NOXA1: variants seen among roughly 807,000 people sequenced by gnomAD.
NOXA1 encodes the protein NADPH oxidase activator 1, also known as NCF2-like protein.
In NOXA1, 56 loss-of-function variants were observed where a neutral mutation model predicts 64.8. The ratio of observed to expected loss-of-function variants is 0.86; its 90% CI spans 0.70 to 1.08. NOXA1 has a LOEUF of 1.08. Among genes scored for constraint, NOXA1 ranks in the 50% least tolerant of loss-of-function variants. The probability of loss-of-function intolerance (pLI) is 0.00; values close to 1 mark genes in which losing one functional copy is unlikely to be tolerated. For synonymous variants in NOXA1, 295 were observed against 294.8 expected (o/e 1.00, Z -0.01); for missense variants, 668 against 658.5 (o/e 1.01, Z -0.16).
Position 137,433,812 on chromosome 9 carries a change from G to A in NOXA1, c.1127G>A (p.Arg376Lys). 6.9e-7 allele frequency: 1 copy of A among 1,452,816 alleles called. No individual in the cohort carries two copies. Among genetic ancestry groups the A allele is most frequent in the South Asian group, 1.5e-5 (1 of 68,358 alleles). 90.0% of individuals were successfully genotyped at this position (1,452,816 alleles called of 1,614,324 possible). ...VPIPEEESLQ[R>K]AWQDAAACPR... ...ATCCCCGAGGAGGAGTCGCTGCAGA[G>A]GGCCTGGCAGGACGCAGCTGCCTGC... Residue 376 changes from arginine to lysine, a missense_variant, in exon 12 of 14, where the codon AGG (arginine) becomes AAG (lysine). Arg to Lys is a conservative substitution (Grantham distance 26, BLOSUM62 2). Coordinates refer to ENST00000683555, the MANE Select transcript of NOXA1 (RefSeq NM_001256067.2).
rs117554356 is a variant in NOXA1, at chr9:137,423,527, G to T, written c.-3G>T. The T allele has an allele frequency of 0.14, 189,321 of 1,385,210 alleles. 15,163 individuals carry two copies. The highest frequency in any genetic ancestry group is 0.37 in the Admixed American group (13,934 of 37,356). 85.8% of individuals were successfully genotyped at this position (1,385,210 alleles called of 1,614,324 possible). A position where few individuals can be genotyped will look rare whatever the true frequency, so the allele number is the denominator to read the frequency against. On this transcript the variant is annotated 5_prime_UTR_variant, in exon 1 of 14. Coordinates refer to ENST00000683555, the MANE Select transcript of NOXA1 (RefSeq NM_001256067.2). ...CCCTCCTCGAGCGCCGCCACCGGCC[G>T]CCATGGCCTCTCTGGGGGACCTGGT...
intron 5 of NOXA1, 78 bp from the exon 6 acceptor site, chr9:137,430,706 C>A: frequency 2.3e-6 from 3 of 1,306,358 alleles, no homozygotes; most frequent in South Asian, 1.5e-5. Flanking sequence ...AGCTGCGGGG[C>A]ACGGTGGGGC....
intron 2 of NOXA1, 142 bp from the exon 3 acceptor site, chr9:137,427,891 A>C (rs147728806): frequency 2.0e-5 from 12 of 612,228 alleles, no homozygotes; most frequent in Admixed American, 1.6e-4. Context: ...CTGAGTGTGC[A>C]GACCTAGGCA....
chr9:137,434,329 T>G lies in NOXA1; in HGVS notation c.1400T>G (p.Leu467Arg). The G allele has an allele frequency of 6.2e-7, 1 of 1,606,118 alleles. No individual in the cohort carries two copies. Among genetic ancestry groups the G allele is most frequent in the Non-Finnish European group, 8.5e-7 (1 of 1,177,442 alleles). ...CGGATGTCAGGAGCCCCCGGCCGCC[T>G]GCCCCGATCCCAGCAGGGAGATCAG... The part of the protein sequence containing the change: ...GPRMSGAPGR[L>R]PRSQQGDQP The change falls in exon 14 of 14, where the codon CTG (leucine) becomes CGG (arginine). Residue 467 changes from leucine to arginine, a missense_variant. By Grantham distance (102) the Leu-to-Arg change is moderately radical (BLOSUM62 -2). Transcript: ENST00000683555.
Position 137,433,772 on chromosome 9 carries a change from G to A in NOXA1, c.1087G>A (p.Gly363Arg), listed in dbSNP as rs1341691645. The change falls in exon 12 of 14, where the codon GGG becomes AGG. Residue 363 changes from glycine (G) to arginine (R), a missense_variant. Transcript: ENST00000683555. ...CAGTTACCTAGCCCCAGGTGAGGAC[G>A]GGCACTGGGTCCCCATCCCCGAGGA... ...QLSYLAPGED[G>R]HWVPIPEEES... 27 of 1,456,428 alleles carry A rather than the reference G, an allele frequency of 1.9e-5. No individual in the cohort carries two copies. Among genetic ancestry groups the A allele is most frequent in the Middle Eastern group, 1.8e-4 (1 of 5,452 alleles). 90.2% of individuals were successfully genotyped at this position (1,456,428 alleles called of 1,614,324 possible).
At chr9:137,430,411 T>C (rs900570962) in intron 5 of NOXA1, among the ~76,000 whole-genome samples, 1 of 152,160 alleles carries the variant, frequency 6.6e-6, no homozygotes, top group Non-Finnish European at 1.5e-5. Flanking sequence ...GCCCCCTCGG[T>C]CACCTGCGCT....
At position 137,428,899 on chromosome 9, in the gene NOXA1, G is replaced by A. The variant is rs201021075; in HGVS notation, c.387G>A (p.Ala129=). The part of the protein sequence containing the change: ...LQAWEVLHNV[A]SAQCQLGLWT... ...ACTCCCAGGTGCTACACAATGTGGC[G>A]TCGGCACAGTGCCAGCTGGGGCTCT... is the stretch of plus-strand genomic sequence containing the variant. The change falls in exon 4 of 14, where the codon GCG becomes GCA. Residue 129 remains alanine (A), a synonymous_variant. Coordinates refer to ENST00000683555, the MANE Select transcript of NOXA1 (RefSeq NM_001256067.2). 5.0e-5 allele frequency: 80 copies of A among 1,588,616 alleles called. No homozygotes were observed. The East Asian group carries it at 1.1e-3, about 21-fold the overall frequency.
intron 1 of NOXA1, among the ~76,000 whole-genome samples, 192 bp from the exon 2 acceptor site, chr9:137,426,056 T>A (rs1284566948): frequency 6.6e-6 from 1 of 152,156 alleles, no homozygotes; most frequent in Admixed American, 6.5e-5. Context: ...TTGGGTGGGC[T>A]GTGGCAACCT....
At chr9:137,425,479 G>A (rs1356870791) in intron 1 of NOXA1, among the ~76,000 whole-genome samples, 3 of 152,004 alleles carry the variant, frequency 2.0e-5, no homozygotes, top group Admixed American at 6.5e-5. Context: ...TCTACCTCCC[G>A]GGTTCAAGCG....
intron 1 of NOXA1, among the ~76,000 whole-genome samples, chr9:137,425,919 C>T (rs1441590825): frequency 6.6e-6 from 1 of 152,096 alleles, no homozygotes; most frequent in African/African-American, 2.4e-5. Context: ...TGCATAACCC[C>T]ACTCCCCAGA....
At position 137,434,031 on chromosome 9, in the gene NOXA1, G is replaced by A; in HGVS notation, c.1246G>A (p.Glu416Lys). ...AQHSYSAQGP[E>K]DLGFRQGDTV... ...GCACAGCTACTCCGCCCAGGGGCCAGAGGACCTGGGCTTCCGACAGGGGGA... is the reference window on the plus strand; with the variant it reads ...GCACAGCTACTCCGCCCAGGGGCCAAAGGACCTGGGCTTCCGACAGGGGGA... The change falls in exon 13 of 14, where the codon GAG (glutamate) becomes AAG (lysine). Residue 416 changes from glutamate to lysine, a missense_variant. Physicochemically the swap from Glu to Lys is moderately conservative, Grantham distance 56. Coordinates refer to ENST00000683555, the MANE Select transcript of NOXA1 (RefSeq NM_001256067.2). 1 of 1,574,246 alleles carries A rather than the reference G, an allele frequency of 6.4e-7. No homozygotes were observed. The highest frequency in any genetic ancestry group is 8.6e-7 in the Non-Finnish European group (1 of 1,164,868).
chr9:137,425,270 G>T (rs1030267112), intron 1 of NOXA1, among the ~76,000 whole-genome samples: 2 of 152,202 alleles, frequency 1.3e-5, no homozygotes, highest in African/African-American at 4.8e-5. Flanking sequence ...CCTGAGTCTG[G>T]TTTAAGGAAG....
chr9:137,425,416 C>T (rs952193912), intron 1 of NOXA1, among the ~76,000 whole-genome samples: 57 of 152,128 alleles, frequency 3.7e-4, no homozygotes, highest in Admixed American at 3.0e-3. Flanking sequence ...GACGGAATCT[C>T]GCTCTGTCTT....
Position 137,428,828 on chromosome 9 carries a change from A to T in NOXA1, c.370-54A>T, listed in dbSNP as rs533056012. On this transcript the variant is annotated intron_variant, in intron 3 of 13. Coordinates refer to ENST00000683555, the MANE Select transcript of NOXA1 (RefSeq NM_001256067.2). ...GGAGGAGCTGGGTGGGGGAACCGGG[A>T]GAGGGCCTGGGTGGGGCATCAGGCC... is the stretch of plus-strand genomic sequence containing the variant. 5.3e-5 allele frequency: 79 copies of T among 1,495,690 alleles called. No individual in the cohort carries two copies. The African/African-American group carries it at 9.5e-4, about 18-fold the overall frequency. 92.7% of individuals were successfully genotyped at this position (1,495,690 alleles called of 1,614,324 possible). A position where few individuals can be genotyped will look rare whatever the true frequency, so the allele number is the denominator to read the frequency against.
intron 13 of NOXA1, 55 bp downstream of exon 13, chr9:137,434,134 G>A (rs1839258479): frequency 6.3e-7 from 1 of 1,581,576 alleles, no homozygotes; most frequent in Non-Finnish European, 8.6e-7. Context: ...GGTGTGGGGG[G>A]CTTAGAGCTC....
At position 137,428,030 on chromosome 9, in the gene NOXA1, CA is replaced by C; in HGVS notation, c.261-2del. ...CTGCTGAGGGGACCCCGGCTGCCCA[CA>C]GGTTCCAGGAGGCTCTGTCTGACTT... On this transcript the variant is annotated splice_acceptor_variant, in intron 2 of 13. Transcript: ENST00000683555. LOFTEE classifies it high-confidence loss of function. The C allele has an allele frequency of 6.4e-7, 1 of 1,564,906 alleles. No individual in the cohort carries two copies. The highest frequency in any genetic ancestry group is 1.2e-5 in the South Asian group (1 of 85,136).
In NOXA1 at chr9:137,423,619, C is replaced by T; in HGVS notation, c.90C>T (p.Phe30=). ...ACTGGGCCCGCGCCTTGCACCTCTT[C>T]TCGGGCGTCCCGGCGCCGCCCGCCA... ...RGDWARALHL[F]SGVPAPPARL... The change falls in exon 1 of 14, where the codon TTC becomes TTT. Residue 30 remains phenylalanine (F), a synonymous_variant. Transcript: ENST00000683555. 1 of 1,458,948 alleles carries T rather than the reference C, an allele frequency of 6.9e-7. No individual in the cohort carries two copies. Among genetic ancestry groups the T allele is most frequent in the Admixed American group, 2.2e-5 (1 of 45,008 alleles). The allele number at this position is 1,458,948 out of a possible 1,614,324, so 90.4% of individuals were successfully genotyped here.
intron 2 of NOXA1, 94 bp from the exon 3 acceptor site, chr9:137,427,939 G>A (rs2131878238): frequency 4.9e-6 from 4 of 812,284 alleles, no homozygotes; most frequent in Non-Finnish European, 8.0e-6. Context: ...GGAACCAGGT[G>A]TTGGGGGCGG....
Position 137,434,047 on chromosome 9 carries a change from G to A in NOXA1, c.1262G>A (p.Arg421Gln), listed in dbSNP as rs776622288. 40 of 1,576,890 alleles carry A rather than the reference G, an allele frequency of 2.5e-5. No homozygotes were observed. Among genetic ancestry groups the A allele is most frequent in the South Asian group, 5.7e-5 (5 of 88,092 alleles). The change falls in exon 13 of 14, where the codon CGA becomes CAA. Residue 421 changes from arginine to glutamine, a missense_variant. Coordinates refer to ENST00000683555, the MANE Select transcript of NOXA1 (RefSeq NM_001256067.2). ...SAQGPEDLGF[R>Q]QGDTVDVLCE... ...CAGGGGCCAGAGGACCTGGGCTTCC[G>A]ACAGGGGGACACGGTGGACGTCCTG...
Sources: gnomAD v4.1 joint callset for allele counts (sites outside exome capture counted in the v4.1 genomes callset) on GRCh38, gnomAD v4.1.1 for gene constraint, MANE v1.5 for transcripts, NCBI Gene and HGNC (gene_info 2026-07-23, HGNC 2026-07-21) for gene names.